NLGN1: variants seen among roughly 807,000 people sequenced by gnomAD.
The protein encoded by NLGN1 is neuroligin-1.
A neutral mutation model predicts 65.5 loss-of-function variants in NLGN1; 12 were observed. The observed-to-expected ratio is 0.18, with a 90% CI of 0.12 to 0.30. The LOEUF (loss-of-function observed/expected upper bound fraction) is 0.30. NLGN1 is among the 10% of genes least tolerant of loss of function. NLGN1 has a pLI of 1.00. For missense variants in NLGN1, 750 were observed against 1,007.1 expected, an observed-to-expected ratio of 0.74 and a Z score of 3.46; for synonymous variants, 350 against 359.5, an observed-to-expected ratio of 0.97 and a Z score of 0.30.
chr3:174,138,957 C>G (rs1167756792), intron 4 of NLGN1, among the ~76,000 whole-genome samples: 1 of 152,084 alleles, frequency 6.6e-6, no homozygotes, highest in Admixed American at 6.6e-5. Flanking sequence ...TAAATTTAAA[C>G]TTAATTCTCT....
intron 4 of NLGN1, among the ~76,000 whole-genome samples, chr3:174,187,958 A>T (rs1025847645): frequency 2.5e-4 from 38 of 152,060 alleles, no homozygotes; most frequent in Admixed American, 2.4e-3. Context: ...GTAAGTACTC[A>T]TTACATGTTT....
At chr3:173,840,938 T>C (rs747965638) in intron 4 of NLGN1, among the ~76,000 whole-genome samples, 1 of 152,142 alleles carries the variant, frequency 6.6e-6, no homozygotes, top group Non-Finnish European at 1.5e-5. Flanking sequence ...AACTTCAGCT[T>C]ACCTGTACAA....
intron 2 of NLGN1, among the ~76,000 whole-genome samples, chr3:173,482,406 G>T (rs1346658639): frequency 6.6e-6 from 1 of 151,650 alleles, no homozygotes; most frequent in Non-Finnish European, 1.5e-5. Flanking sequence ...GATCTCTTCA[G>T]GTTTTGGTAC....
intron 2 of NLGN1, among the ~76,000 whole-genome samples, chr3:173,578,128 C>T (rs1004473136): frequency 2.0e-5 from 3 of 150,988 alleles, no homozygotes; most frequent in African/African-American, 2.4e-5. Context: ...CCCAGCTACT[C>T]GGGAGGCTGA....
At chr3:174,075,928 C>T (rs9850423) in intron 4 of NLGN1, among the ~76,000 whole-genome samples, 38,050 of 151,964 alleles carry the variant, frequency 0.25, 6,807 homozygotes, top group African/African-American at 0.51. Flanking sequence ...CTTTACATTG[C>T]TATATGAAGA....
chr3:173,565,093 G>C (rs1161510383), intron 2 of NLGN1, among the ~76,000 whole-genome samples: 1 of 152,146 alleles, frequency 6.6e-6, no homozygotes, highest in East Asian at 1.9e-4. Flanking sequence ...GGAGTACGGG[G>C]CAAAGTTAGA....
chr3:173,946,523 T>C (rs1166157024), intron 4 of NLGN1, among the ~76,000 whole-genome samples: 1 of 152,228 alleles, frequency 6.6e-6, no homozygotes, highest in Non-Finnish European at 1.5e-5. Context: ...TAATGGATGT[T>C]TAGGTTATTT....
At chr3:173,636,699 G>T (rs1242342935) in intron 3 of NLGN1, among the ~76,000 whole-genome samples, 2 of 152,062 alleles carry the variant, frequency 1.3e-5, no homozygotes, top group Non-Finnish European at 2.9e-5. Context: ...GGAAATAGTT[G>T]TATGGGGATT....
At chr3:173,513,801 G>A (rs1287726901) in intron 2 of NLGN1, among the ~76,000 whole-genome samples, 6 of 150,968 alleles carry the variant, frequency 4.0e-5, no homozygotes, top group African/African-American at 9.8e-5. Flanking sequence ...CGAGGCGGGC[G>A]GATCACTTGA....
chr3:173,935,873 AG>A (rs1744983436), intron 4 of NLGN1, among the ~76,000 whole-genome samples: 1 of 152,010 alleles, frequency 6.6e-6, no homozygotes, highest in African/African-American at 2.4e-5. Context: ...TTATATCATG[AG>A]GGAAGTTGAT....
chr3:173,614,213 A>T (rs186022448), intron 3 of NLGN1, among the ~76,000 whole-genome samples: 2 of 152,124 alleles, frequency 1.3e-5, no homozygotes, highest in Non-Finnish European at 2.9e-5. Context: ...GGGTAGAGGG[A>T]TAAGTATGAG....
chr3:173,516,742 C>A lies in NLGN1; in HGVS notation c.-321+81664C>A, dbSNP rs527315111. Among the ~76,000 whole-genome samples the A allele has an allele frequency of 1.4e-4, 22 of 152,136 alleles. No homozygotes were observed. The South Asian group carries it at 4.1e-3, about 29-fold the overall frequency. ...CTTCATACAGTATTTTCATGGTATTCTCTATCAGACATATTGCTTCCCATC... is the reference window on the plus strand; with the variant it reads ...CTTCATACAGTATTTTCATGGTATTATCTATCAGACATATTGCTTCCCATC... On this transcript the variant is annotated intron_variant, in intron 2 of 6. Transcript: ENST00000457714.
intron 4 of NLGN1, among the ~76,000 whole-genome samples, chr3:174,272,781 A>T (rs185947061): frequency 9.9e-5 from 15 of 151,754 alleles, no homozygotes; most frequent in Non-Finnish European, 1.6e-4. Context: ...GAGTAAGAGA[A>T]ATTCAGTGCT....
At chr3:173,730,333 C>G (rs1047009242) in intron 3 of NLGN1, among the ~76,000 whole-genome samples, 1 of 143,842 alleles carries the variant, frequency 7.0e-6, no homozygotes, top group South Asian at 2.2e-4. Context: ...CCCCCCCCCC[C>G]GCAAAAATAG....
intron 1 of NLGN1, among the ~76,000 whole-genome samples, chr3:173,406,833 C>T (rs749380428): frequency 3.0e-4 from 45 of 152,030 alleles, no homozygotes; most frequent in Non-Finnish European, 5.4e-4. Flanking sequence ...GCTGTAGTCA[C>T]CACAGAGAAA....
chr3:173,431,499 G>A (rs1284970855), intron 1 of NLGN1, among the ~76,000 whole-genome samples: 1 of 151,914 alleles, frequency 6.6e-6, no homozygotes, highest in Non-Finnish European at 1.5e-5. Flanking sequence ...GTATCTGTGA[G>A]CATTTTTTCA....
intron 3 of NLGN1, among the ~76,000 whole-genome samples, chr3:173,717,511 C>T (rs186659817): frequency 5.9e-5 from 9 of 152,174 alleles, no homozygotes; most frequent in Admixed American, 4.6e-4. Flanking sequence ...TGGCTAATAA[C>T]CTATGTTACC....
chr3:173,821,642 G>T lies in NLGN1; in HGVS notation c.646+13810G>T, dbSNP rs539915432. Among the ~76,000 whole-genome samples the T allele has an allele frequency of 4.6e-5, 7 of 152,152 alleles. No individual in the cohort carries two copies. In the South Asian group the frequency reaches 1.5e-3, roughly 32 times the overall value. On this transcript the variant is annotated intron_variant, in intron 4 of 6. Transcript: ENST00000457714. ...GTATCAATCTGTACTATTTACTAAAGCAATTTATAGTCTACAATTCATATT... is the reference window on the plus strand; with the variant it reads ...GTATCAATCTGTACTATTTACTAAATCAATTTATAGTCTACAATTCATATT...
intron 4 of NLGN1, among the ~76,000 whole-genome samples, chr3:174,006,884 A>G (rs780132358): frequency 3.3e-5 from 5 of 152,016 alleles, no homozygotes; most frequent in Non-Finnish European, 7.4e-5. Context: ...GCCTGGCTAC[A>G]TGGTGAAACC....
Sources: gnomAD v4.1 joint callset for allele counts (sites outside exome capture counted in the v4.1 genomes callset) on GRCh38, gnomAD v4.1.1 for gene constraint, MANE v1.5 for transcripts, NCBI Gene and HGNC (gene_info 2026-07-23, HGNC 2026-07-21) for gene names.